The following ZCCHC7 variants were observed in gnomAD, a reference collection of about 807,000 sequenced individuals.
ZCCHC7 encodes zinc finger CCHC-type containing 7.
ZCCHC7 carries 35 observed loss-of-function variants against 52.0 expected under a neutral mutation model. The observed-to-expected ratio is 0.67, with a 90% CI of 0.51 to 0.89. The LOEUF is 0.89. Among genes scored for constraint, ZCCHC7 ranks in the 40% least tolerant of loss-of-function variants. The probability of loss-of-function intolerance (pLI) is 0.00; values close to 1 mark genes in which losing one functional copy is unlikely to be tolerated. For synonymous variants in ZCCHC7, 217 were observed against 221.5 expected (o/e 0.98, Z 0.18); for missense variants, 574 against 649.1 (o/e 0.88, Z 1.26).
chr9:37,166,409 T>C (rs1030354922), intron 2 of ZCCHC7, among the ~76,000 whole-genome samples: 1 of 151,982 alleles, frequency 6.6e-6, no homozygotes, highest in Non-Finnish European at 1.5e-5. Context: ...AAACTAATAA[T>C]AATATGTGTA....
rs117044484 is a variant in ZCCHC7 at position 37,200,501 on chromosome 9, T to G, written c.610+73559T>G. On this transcript the variant is annotated intron_variant, in intron 2 of 8. Transcript: ENST00000336755. ...CCATCATGTCCAACTCCATGTGCTT[T>G]CTTTTTCCATTTTTCTTCCAGTGAT... is the stretch of plus-strand genomic sequence containing the variant. Among the ~76,000 whole-genome samples the G allele has an allele frequency of 1.2e-4, 19 of 152,344 alleles. No individual in the cohort carries two copies. In the East Asian group the frequency reaches 2.1e-3, roughly 17 times the overall value.
At chr9:37,349,715 G>A (rs1821247572) in intron 7 of ZCCHC7, among the ~76,000 whole-genome samples, 1 of 152,102 alleles carries the variant, frequency 6.6e-6, no homozygotes, top group Non-Finnish European at 1.5e-5. Context: ...AAATATAATA[G>A]TCAACAGTAT....
In ZCCHC7 at chr9:37,218,011, A is replaced by G. The variant is rs1428021351; in HGVS notation, c.611-84177A>G. Among the ~76,000 whole-genome samples the G allele has an allele frequency of 5.9e-5, 9 of 152,196 alleles. No homozygotes were observed. The East Asian group carries it at 1.5e-3, about 26-fold the overall frequency. ...TGTCATTAATTCTTTAGACTTAATC[A>G]TCTTCTAGTTCTTTTTGCTGGACTC... On this transcript the variant is annotated intron_variant, in intron 2 of 8. Transcript: ENST00000336755.
intron 2 of ZCCHC7, among the ~76,000 whole-genome samples, chr9:37,183,901 C>G (rs1822503817): frequency 6.6e-6 from 1 of 152,198 alleles, no homozygotes; most frequent in Non-Finnish European, 1.5e-5. Context: ...CGCCCTCTAC[C>G]CTTGATCTAG....
At chr9:37,133,800 G>C (rs938901501) in intron 2 of ZCCHC7, among the ~76,000 whole-genome samples, 1 of 152,260 alleles carries the variant, frequency 6.6e-6, no homozygotes, top group Middle Eastern at 3.4e-3. Flanking sequence ...TGTTGGCCAG[G>C]CTGGTCTTGA....
At chr9:37,211,053 T>C (rs1300997958) in intron 2 of ZCCHC7, among the ~76,000 whole-genome samples, 1 of 152,238 alleles carries the variant, frequency 6.6e-6, no homozygotes, top group Non-Finnish European at 1.5e-5. Context: ...ATCATTCATA[T>C]AGTGAGTTTT....
intron 2 of ZCCHC7, among the ~76,000 whole-genome samples, chr9:37,177,725 G>A (rs762574562): frequency 2.6e-5 from 4 of 152,110 alleles, no homozygotes; most frequent in Non-Finnish European, 4.4e-5. Context: ...GCAGTTTACC[G>A]CTGTGGTTTT....
intron 2 of ZCCHC7, among the ~76,000 whole-genome samples, chr9:37,284,990 A>G (rs1369473648): frequency 6.6e-6 from 1 of 152,138 alleles, no homozygotes; most frequent in Non-Finnish European, 1.5e-5. Context: ...TTTTTATTAG[A>G]AGTTTTGTTA....
chr9:37,284,607 A>G (rs911645716), intron 2 of ZCCHC7, among the ~76,000 whole-genome samples: 53 of 152,284 alleles, frequency 3.5e-4, no homozygotes, highest in Middle Eastern at 3.4e-3. Context: ...TTAAAAAAAA[A>G]ATGGATTTTT....
chr9:37,355,857 A>T (rs1038502728), intron 8 of ZCCHC7, among the ~76,000 whole-genome samples: 15 of 152,378 alleles, frequency 9.8e-5, no homozygotes, highest in Non-Finnish European at 1.8e-4. Flanking sequence ...TAGTAGTTGT[A>T]GATTATGATT....
chr9:37,338,210 G>T (rs1039325944), intron 6 of ZCCHC7, among the ~76,000 whole-genome samples: 1 of 152,016 alleles, frequency 6.6e-6, no homozygotes, highest in Admixed American at 6.6e-5. Flanking sequence ...AAAAAGAAAG[G>T]TTATAAATTA....
At chr9:37,238,995 T>G (rs539704698) in intron 2 of ZCCHC7, among the ~76,000 whole-genome samples, 11 of 152,282 alleles carry the variant, frequency 7.2e-5, no homozygotes, top group African/African-American at 2.6e-4. Flanking sequence ...CTCTATATAG[T>G]TGTGGTTAGT....
chr9:37,177,143 G>A (rs1183051732), intron 2 of ZCCHC7, among the ~76,000 whole-genome samples: 13 of 152,106 alleles, frequency 8.5e-5, no homozygotes, highest in Admixed American at 2.0e-4. Context: ...AGTTTGAGAC[G>A]AGCCTGGCCA....
intron 1 of ZCCHC7, among the ~76,000 whole-genome samples, chr9:37,123,837 A>T (rs559639093): frequency 6.6e-6 from 1 of 152,360 alleles, no homozygotes; most frequent in Non-Finnish European, 1.5e-5. Flanking sequence ...TTCAATATAA[A>T]CTGATGAATG....
intron 2 of ZCCHC7, among the ~76,000 whole-genome samples, chr9:37,200,321 C>G (rs1438894801): frequency 6.6e-6 from 1 of 152,080 alleles, no homozygotes; most frequent in Non-Finnish European, 1.5e-5. Context: ...TGGCTGTATT[C>G]AGGCCTCATT....
chr9:37,168,997 A>G (rs1412316683), intron 2 of ZCCHC7, among the ~76,000 whole-genome samples: 2 of 152,162 alleles, frequency 1.3e-5, no homozygotes, highest in Non-Finnish European at 2.9e-5. Flanking sequence ...ACATCCCGAG[A>G]CATTCTAATT....
At chr9:37,274,461 T>G (rs1356030390) in intron 2 of ZCCHC7, among the ~76,000 whole-genome samples, 1 of 145,818 alleles carries the variant, frequency 6.9e-6, no homozygotes, top group African/African-American at 2.5e-5. Flanking sequence ...TGCCTCAGCC[T>G]CCTAAGTAGC....
At chr9:37,303,896 C>T (rs140497223) in intron 3 of ZCCHC7, among the ~76,000 whole-genome samples, 10 of 152,120 alleles carry the variant, frequency 6.6e-5, no homozygotes, top group Non-Finnish European at 1.5e-4. Context: ...CTCCCGACCT[C>T]GGGTGATCCG....
intron 2 of ZCCHC7, among the ~76,000 whole-genome samples, chr9:37,294,435 A>G (rs531091710): frequency 6.6e-6 from 1 of 152,340 alleles, no homozygotes; most frequent in East Asian, 1.9e-4. Context: ...CTGGTTAGGT[A>G]CAAGCATGAT....
Sources: allele counts gnomAD v4.1 joint callset (sites outside exome capture counted in the v4.1 genomes callset), GRCh38; gene constraint gnomAD v4.1.1; transcripts MANE v1.5; gene names NCBI Gene and HGNC (gene_info 2026-07-23, HGNC 2026-07-21).